CD1B: variants seen among roughly 807,000 people sequenced by gnomAD.
CD1B encodes the protein T-cell surface glycoprotein CD1b.
CD1B carries 43 observed loss-of-function variants against 39.8 expected under a neutral mutation model. The observed-to-expected ratio is 1.08, with a 90% confidence interval of 0.85 to 1.39. The LOEUF is 1.39. Ranked by LOEUF, CD1B falls within the 40% of genes most tolerant of loss-of-function variation. The pLI is 0.00. For synonymous variants in CD1B, 192 were observed against 152.5 expected (o/e 1.26, Z -1.91); for missense variants, 495 against 403.8 (o/e 1.23, Z -1.94).
the CD1B span, among the ~76,000 whole-genome samples, chr1:158,319,557 C>T: frequency 1.3e-5 from 2 of 152,248 alleles, no homozygotes; most frequent in East Asian, 1.9e-4. Context: ...TCTAGTTATA[C>T]ATTCTTCTAA....
the CD1B span, among the ~76,000 whole-genome samples, chr1:158,303,976 G>A: frequency 9.3e-3 from 1,407 of 152,082 alleles, 16 homozygotes; most frequent in African/African-American, 0.032. Flanking sequence ...CAAGATGGCC[G>A]AATAGGAACA....
Position 158,330,780 on chromosome 1 carries a change from G to T in CD1B, c.328+16C>A. The T allele has an allele frequency of 2.5e-6, 4 of 1,613,236 alleles. No individual in the cohort carries two copies. The highest frequency in any genetic ancestry group is 2.2e-5 in the East Asian group (1 of 44,876). On this transcript the variant is annotated intron_variant, in intron 2 of 5. Transcript: ENST00000368168. The stretch of plus-strand genomic sequence containing the variant: ...GAGTCCTTGAGACTCTTCCCAGTTC[G>T]GTGGACTAGACTCACATTTCATCTG...
the CD1B span, among the ~76,000 whole-genome samples, chr1:158,302,598 G>C: frequency 6.6e-6 from 1 of 152,042 alleles, no homozygotes; most frequent in Non-Finnish European, 1.5e-5. Context: ...AAATGACAAA[G>C]GGGGCATTGC....
At chr1:158,304,846 G>A in the CD1B span, among the ~76,000 whole-genome samples, 1 of 152,172 alleles carries the variant, frequency 6.6e-6, no homozygotes, top group African/African-American at 2.4e-5. Context: ...TAGACCTCCA[G>A]CAAACTCCAA....
chr1:158,293,153 T>C, the CD1B span: 1 of 1,285,918 alleles, frequency 7.8e-7, no homozygotes, highest in East Asian at 2.3e-5. Flanking sequence ...AATCAATAGA[T>C]GGAATAGAAT....
downstream of CD1B, among the ~76,000 whole-genome samples, chr1:158,326,003 T>C (rs574615254): frequency 3.3e-5 from 5 of 152,326 alleles, no homozygotes; most frequent in Admixed American, 1.3e-4. Flanking sequence ...GGAGTCTTGC[T>C]CTGTTGCCCA....
chr1:158,311,577 A>T, the CD1B span, among the ~76,000 whole-genome samples: 1 of 152,120 alleles, frequency 6.6e-6, no homozygotes, highest in Non-Finnish European at 1.5e-5. Context: ...ATCTTTTCCC[A>T]GACCAACATG....
At chr1:158,310,542 G>T in the CD1B span, among the ~76,000 whole-genome samples, 1 of 152,026 alleles carries the variant, frequency 6.6e-6, no homozygotes, top group Admixed American at 6.6e-5. Context: ...TTACAGAATG[G>T]AAGAAAATAC....
chr1:158,310,526 G>T, the CD1B span, among the ~76,000 whole-genome samples: 2 of 151,854 alleles, frequency 1.3e-5, no homozygotes, highest in African/African-American at 4.8e-5. Context: ...AGAATAAACA[G>T]ACAACTTACA....
downstream of CD1B, among the ~76,000 whole-genome samples, chr1:158,325,427 A>C (rs1181821307): frequency 6.6e-6 from 1 of 152,216 alleles, no homozygotes; most frequent in Non-Finnish European, 1.5e-5. Context: ...ATTAAAGAGA[A>C]TTGCCAAAAT....
chr1:158,296,753 C>G, the CD1B span, among the ~76,000 whole-genome samples: 1 of 152,068 alleles, frequency 6.6e-6, no homozygotes, highest in Non-Finnish European at 1.5e-5. Context: ...TAAGAAAGAA[C>G]TAAGCTGATT....
chr1:158,327,373 C>T (rs995885839), downstream of CD1B, among the ~76,000 whole-genome samples: 9 of 152,130 alleles, frequency 5.9e-5, no homozygotes, highest in African/African-American at 1.9e-4. Flanking sequence ...CTGTAGTAAG[C>T]CAAGGGTGGT....
At chr1:158,307,475 A>G in the CD1B span, among the ~76,000 whole-genome samples, 1 of 152,144 alleles carries the variant, frequency 6.6e-6, no homozygotes, top group East Asian at 1.9e-4. Flanking sequence ...CCAGGACCCA[A>G]TGGATTCACT....
chr1:158,313,277 G>T, the CD1B span, among the ~76,000 whole-genome samples: 1 of 151,878 alleles, frequency 6.6e-6, no homozygotes. Context: ...TTTTGCATGC[G>T]TTTCATTAGG....
chr1:158,291,072 C>T, the CD1B span: 9 of 1,524,842 alleles, frequency 5.9e-6, no homozygotes, highest in Non-Finnish European at 8.0e-6. Flanking sequence ...ATTTTCTCTC[C>T]ATTTTCCTTG....
chr1:158,308,620 T>A, the CD1B span, among the ~76,000 whole-genome samples: 807 of 152,278 alleles, frequency 5.3e-3, 15 homozygotes, highest in South Asian at 0.043. Context: ...ATGGTACTGG[T>A]ACCAAAACAG....
chr1:158,319,014 G>A, the CD1B span, among the ~76,000 whole-genome samples: 1,200 of 151,704 alleles, frequency 7.9e-3, 11 homozygotes, highest in Non-Finnish European at 9.4e-3. Flanking sequence ...TGGCTTGTAG[G>A]GTTTCTGCCA....
Position 158,330,991 on chromosome 1 carries a change from G to C in CD1B, c.133C>G (p.Gln45Glu), listed in dbSNP as rs775272128. 2 of 1,614,110 alleles carry C rather than the reference G, an allele frequency of 1.2e-6. No individual in the cohort carries two copies. The highest frequency in any genetic ancestry group is 1.7e-6 in the Non-Finnish European group (2 of 1,179,994). Reference sequence around the variant, plus strand: ...AAATCATCCAACCAGCCTGAGCCTTGAGTTTGTGCCCAGGTACTATTGGTA... The same window carrying C: ...AAATCATCCAACCAGCCTGAGCCTTCAGTTTGTGCCCAGGTACTATTGGTA... ...SFTNSTWAQT[Q>E]GSGWLDDLQI... The change falls in exon 2 of 6, where the codon CAA (glutamine) becomes GAA (glutamate). Residue 45 changes from glutamine (Q) to glutamate (E), a missense_variant. Coordinates refer to ENST00000368168, the MANE Select transcript of CD1B (RefSeq NM_001764.3).
chr1:158,327,322 G>C (rs1269435153), downstream of CD1B, among the ~76,000 whole-genome samples: 1 of 152,180 alleles, frequency 6.6e-6, no homozygotes, highest in Non-Finnish European at 1.5e-5. Flanking sequence ...AGTGCAGCTG[G>C]CTTCACCTCT....
Sources: allele counts gnomAD v4.1 joint callset (sites outside exome capture counted in the v4.1 genomes callset), GRCh38; gene constraint gnomAD v4.1.1; transcripts MANE v1.5; gene names NCBI Gene and HGNC (gene_info 2026-07-23, HGNC 2026-07-21).